Variants in SLC8A3 observed in about 807,000 individuals in gnomAD.
SLC8A3 encodes sodium/calcium exchanger 3.
SLC8A3 carries 37 observed loss-of-function variants against 65.4 expected under a neutral mutation model. The observed-to-expected ratio is 0.57, with a 90% CI of 0.44 to 0.74. SLC8A3 has a LOEUF of 0.74. Among genes scored for constraint, SLC8A3 ranks in the 30% least tolerant of loss-of-function variants. The probability of loss-of-function intolerance (pLI) is 0.00; values close to 1 mark genes in which losing one functional copy is unlikely to be tolerated. For missense variants in SLC8A3, 1,112 were observed against 1,172.1 expected, an observed-to-expected ratio of 0.95 and a Z score of 0.75; for synonymous variants, 461 against 444.5, an observed-to-expected ratio of 1.04 and a Z score of -0.47.
chr14:70,105,124 T>A lies in SLC8A3; in HGVS notation c.1785-44185A>T, dbSNP rs1892774988. Among the ~76,000 whole-genome samples, 4 of 152,130 alleles carry A rather than the reference T, an allele frequency of 2.6e-5. No individual in the cohort carries two copies. In the South Asian group the frequency reaches 8.3e-4, roughly 32 times the overall value. On this transcript the variant is annotated intron_variant, in intron 2 of 6. Transcript: ENST00000356921. ...GCAGGTGGATCACAAGGTCAGGAGATCGAGACCATCCTGGCTAACGTGGTG... is the reference window on the plus strand; with the variant it reads ...GCAGGTGGATCACAAGGTCAGGAGAACGAGACCATCCTGGCTAACGTGGTG...
chr14:70,065,027 C>A (rs1889261332), intron 2 of SLC8A3, among the ~76,000 whole-genome samples: 1 of 152,102 alleles, frequency 6.6e-6, no homozygotes, highest in Admixed American at 6.6e-5. Context: ...CTGGGTCTCC[C>A]CTCAGTTGTG....
At chr14:70,115,223 C>A in intron 2 of SLC8A3, among the ~76,000 whole-genome samples, 1 of 152,294 alleles carries the variant, frequency 6.6e-6, no homozygotes, top group East Asian at 1.9e-4. Context: ...GCGCACTTGG[C>A]ACTCGATGTG....
chr14:70,057,829 C>G (rs1019542453), intron 3 of SLC8A3, among the ~76,000 whole-genome samples: 3 of 152,264 alleles, frequency 2.0e-5, no homozygotes. Flanking sequence ...ATCTGGGCAG[C>G]TTGTCAAGAT....
chr14:70,173,083 A>G (rs924812806), intron 1 of SLC8A3, among the ~76,000 whole-genome samples: 8 of 152,346 alleles, frequency 5.3e-5, no homozygotes, highest in African/African-American at 1.4e-4. Flanking sequence ...CAAGCTTTAG[A>G]TGCCAAGCTG....
At position 70,188,607 on chromosome 14, in the gene SLC8A3, G is replaced by C. The variant is rs528788320; in HGVS notation, c.-291C>G. Reference sequence around the variant, plus strand: ...CTGCGGGGCAGCGCATCTGGAGCGCGGGGTCTGGGAGGGAGGGTGTCTGGG... The same window carrying C: ...CTGCGGGGCAGCGCATCTGGAGCGCCGGGTCTGGGAGGGAGGGTGTCTGGG... On this transcript the variant is annotated 5_prime_UTR_variant, in exon 1 of 7. Coordinates refer to ENST00000356921, the MANE Select transcript of SLC8A3 (RefSeq NM_182932.3). The C allele has an allele frequency of 6.6e-6, 1 of 152,388 alleles. No homozygotes were observed. Among genetic ancestry groups the C allele is most frequent in the African/African-American group, 2.4e-5 (1 of 41,580 alleles). 9.4% of individuals were successfully genotyped at this position (152,388 alleles called of 1,614,324 possible). A position where few individuals can be genotyped will look rare whatever the true frequency, so the allele number is the denominator to read the frequency against.
In SLC8A3 at chr14:70,044,965, T is replaced by C. The variant is rs926331831; in HGVS notation, c.*982A>G. On this transcript the variant is annotated 3_prime_UTR_variant, in exon 7 of 7. Transcript: ENST00000356921. ...AAAGCCAAAGATAATCAAGAAGGCC[T>C]GTATCCCTTTTGTTCTTCCAGTAGC... 3.9e-5 allele frequency: 6 copies of C among 152,218 alleles called. No homozygotes were observed. Among genetic ancestry groups the C allele is most frequent in the African/African-American group, 1.4e-4 (6 of 41,448 alleles). 9.4% of individuals were successfully genotyped at this position (152,218 alleles called of 1,614,324 possible).
At chr14:70,156,458 C>A (rs753101502) in intron 2 of SLC8A3, among the ~76,000 whole-genome samples, 33 of 152,182 alleles carry the variant, frequency 2.2e-4, no homozygotes, top group Non-Finnish European at 3.8e-4. Context: ...GCCTTTTCTT[C>A]TCACATCTAC....
chr14:70,115,051 G>A (rs1893565662), intron 2 of SLC8A3, among the ~76,000 whole-genome samples: 1 of 152,188 alleles, frequency 6.6e-6, no homozygotes, highest in South Asian at 2.1e-4. Context: ...TAGAATCCTA[G>A]ATTCTGAAAA....
chr14:70,067,173 T>C (rs1889519463), intron 2 of SLC8A3, among the ~76,000 whole-genome samples: 1 of 152,136 alleles, frequency 6.6e-6, no homozygotes, highest in South Asian at 2.1e-4. Context: ...TGCTATCCCC[T>C]CTGCCTGGGA....
At chr14:70,153,171 G>C (rs1463906054) in intron 2 of SLC8A3, among the ~76,000 whole-genome samples, 1 of 152,174 alleles carries the variant, frequency 6.6e-6, no homozygotes, top group African/African-American at 2.4e-5. Context: ...GTGTCCCTGG[G>C]CTTGCTGCAA....
At chr14:70,186,993 T>C (rs1883287606) in intron 1 of SLC8A3, 1 of 152,210 alleles carries the variant, frequency 6.6e-6, no homozygotes, top group Admixed American at 6.5e-5. Flanking sequence ...CCGCTGCAAG[T>C]CACCGGGTCG....
chr14:70,078,209 G>C (rs1042017947), intron 2 of SLC8A3, among the ~76,000 whole-genome samples: 22 of 152,212 alleles, frequency 1.4e-4, no homozygotes, highest in Admixed American at 1.2e-3. Context: ...CATAACAATA[G>C]TGGCAGTAAT....
At chr14:70,104,400 C>G (rs1050816490) in intron 2 of SLC8A3, among the ~76,000 whole-genome samples, 2 of 152,060 alleles carry the variant, frequency 1.3e-5, no homozygotes, top group South Asian at 2.1e-4. Context: ...GGCCATTTCT[C>G]TCTTTAGTTC....
intron 2 of SLC8A3, among the ~76,000 whole-genome samples, chr14:70,126,566 T>A (rs5029834): frequency 0.066 from 7,033 of 106,788 alleles, 245 homozygotes; most frequent in Non-Finnish European, 0.096. Flanking sequence ...TCTCTCTCTC[T>A]CTCTCACACA....
At position 70,167,755 on chromosome 14, in the gene SLC8A3, A is replaced by G. The variant is rs746810725; in HGVS notation, c.668T>C (p.Val223Ala). ...AYIWLYMILA[V>A]FSPGVVQVWE... ...AACCTGGACCACACCAGGGGAGAAG[A>G]CTGCCAGAATCATATAGAGCCAGAT... Residue 223 changes from valine (V) to alanine (A), a missense_variant, in exon 2 of 7, where the codon GTC becomes GCC. Physicochemically the swap from Val to Ala is moderately conservative, Grantham distance 64 (BLOSUM62 0). Transcript: ENST00000356921. 5 of 1,614,090 alleles carry G rather than the reference A, an allele frequency of 3.1e-6. No homozygotes were observed. The African/African-American group carries it at 4.0e-5, about 13-fold the overall frequency.
intron 2 of SLC8A3, among the ~76,000 whole-genome samples, chr14:70,078,649 A>G (rs544644126): frequency 1.9e-4 from 29 of 152,316 alleles, no homozygotes; most frequent in Admixed American, 7.8e-4. Context: ...TACCTTGTCT[A>G]TCACCAAGAC....
At chr14:70,073,576 T>C (rs1890203234) in intron 2 of SLC8A3, among the ~76,000 whole-genome samples, 1 of 152,216 alleles carries the variant, frequency 6.6e-6, no homozygotes, top group Non-Finnish European at 1.5e-5. Flanking sequence ...GAGAAGAATC[T>C]ATAAAATCAT....
At chr14:70,128,315 C>G (rs1894612485) in intron 2 of SLC8A3, among the ~76,000 whole-genome samples, 1 of 152,210 alleles carries the variant, frequency 6.6e-6, no homozygotes, top group East Asian at 1.9e-4. Context: ...TCATGTCACC[C>G]TATGGCTTAG....
chr14:70,159,333 C>T (rs891760557), intron 2 of SLC8A3, among the ~76,000 whole-genome samples: 4 of 148,894 alleles, frequency 2.7e-5, no homozygotes, highest in South Asian at 4.2e-4. Flanking sequence ...CGCTTGAACT[C>T]GAAAGCAGAG....
Sources: gnomAD v4.1 joint callset for allele counts (sites outside exome capture counted in the v4.1 genomes callset) on GRCh38, gnomAD v4.1.1 for gene constraint, MANE v1.5 for transcripts, NCBI Gene and HGNC (gene_info 2026-07-23, HGNC 2026-07-21) for gene names.